Variants in ZSWIM6 observed in about 807,000 individuals in gnomAD.
ZSWIM6 encodes zinc finger SWIM-type containing 6.
In ZSWIM6, 9 loss-of-function variants were observed where a neutral mutation model predicts 113.2. That is an observed-to-expected ratio of 0.08 (90% CI 0.05 to 0.14). The LOEUF (loss-of-function observed/expected upper bound fraction) is 0.14. ZSWIM6 is among the 10% of genes least tolerant of loss of function. The pLI, the probability that ZSWIM6 is intolerant of heterozygous loss-of-function variation, is 1.00. For synonymous variants in ZSWIM6, 611 were observed against 606.5 expected, an observed-to-expected ratio of 1.01 and a Z score of -0.11; for missense variants, 1,162 against 1,552.2, an observed-to-expected ratio of 0.75 and a Z score of 4.22.
Position 61,334,016 on chromosome 5 carries a change from T to G in ZSWIM6, c.676+1068T>G, listed in dbSNP as rs1579935449. ...CTTTGTTCTCATTTTCAGGTTTTTT[T>G]GTGCCCCTTTCAGTTTTCTGTCACC... is the stretch of plus-strand genomic sequence containing the variant. On this transcript the variant is annotated intron_variant, in intron 1 of 13. Transcript: ENST00000252744. Among the ~76,000 whole-genome samples the G allele has an allele frequency of 2.0e-5, 3 of 152,346 alleles. No individual in the cohort carries two copies. In the South Asian group the frequency reaches 6.2e-4, roughly 32 times the overall value.
chr5:61,470,906 C>A (rs1747554190), intron 1 of ZSWIM6, among the ~76,000 whole-genome samples: 1 of 152,170 alleles, frequency 6.6e-6, no homozygotes, highest in Admixed American at 6.5e-5. Flanking sequence ...AGTAGCATTT[C>A]TTTCAACTGT....
At chr5:61,466,191 T>A (rs542504047) in intron 1 of ZSWIM6, among the ~76,000 whole-genome samples, 2 of 152,310 alleles carry the variant, frequency 1.3e-5, no homozygotes, top group African/African-American at 4.8e-5. Context: ...GTTCTCAGAG[T>A]TGGGAAAGGT....
At chr5:61,541,836 T>C (rs1330602940) in intron 12 of ZSWIM6, 48 bp from the exon 13 acceptor site, 7 of 1,452,118 alleles carry the variant, frequency 4.8e-6, no homozygotes, top group African/African-American at 1.4e-5. Flanking sequence ...TTTTTTTTCA[T>C]TGACTCAGGA....
intron 2 of ZSWIM6, among the ~76,000 whole-genome samples, chr5:61,485,171 G>A (rs1377063903): frequency 2.0e-5 from 3 of 152,068 alleles, no homozygotes; most frequent in African/African-American, 7.2e-5. Context: ...TACAATTCTT[G>A]CTCTCATGGA....
At chr5:61,492,968 T>C (rs1425040970) in intron 3 of ZSWIM6, among the ~76,000 whole-genome samples, 1 of 152,146 alleles carries the variant, frequency 6.6e-6, no homozygotes, top group East Asian at 1.9e-4. Flanking sequence ...ACGGGGAAAT[T>C]ACAGCTGAGA....
chr5:61,349,887 CCT>C (rs1275456459), intron 1 of ZSWIM6, among the ~76,000 whole-genome samples: 2 of 151,970 alleles, frequency 1.3e-5, no homozygotes, highest in Non-Finnish European at 2.9e-5. Context: ...GAAAACTCTC[CCT>C]CTCACAGATG....
intron 5 of ZSWIM6, 54 bp from the exon 6 acceptor site, chr5:61,525,746 T>A (rs1415522053): frequency 6.5e-7 from 1 of 1,541,386 alleles, no homozygotes; most frequent in Non-Finnish European, 8.8e-7. Flanking sequence ...TATGACTGAT[T>A]TATTCACATG....
chr5:61,375,826 G>C (rs539756473), intron 1 of ZSWIM6: 1 of 1,130,662 alleles, frequency 8.8e-7, no homozygotes, highest in East Asian at 2.6e-5. Context: ...GAAAAAGAAG[G>C]CTGCTAGTTC....
intron 2 of ZSWIM6, among the ~76,000 whole-genome samples, chr5:61,483,361 C>T (rs1014779205): frequency 1.3e-5 from 2 of 152,126 alleles, no homozygotes; most frequent in African/African-American, 4.8e-5. Context: ...TTAAAAGGCC[C>T]CACCTTTCAA....
intron 4 of ZSWIM6, among the ~76,000 whole-genome samples, chr5:61,512,291 T>C (rs1748810329): frequency 6.6e-6 from 1 of 152,128 alleles, no homozygotes; most frequent in Non-Finnish European, 1.5e-5. Flanking sequence ...TGTACATCAG[T>C]GGGTTTTTGT....
At chr5:61,395,224 C>A (rs1401830881) in intron 1 of ZSWIM6, among the ~76,000 whole-genome samples, 1 of 152,074 alleles carries the variant, frequency 6.6e-6, no homozygotes, top group African/African-American at 2.4e-5. Flanking sequence ...GATTGTGTAA[C>A]TTCTCAGTGC....
At chr5:61,434,499 T>C (rs889940541) in intron 1 of ZSWIM6, among the ~76,000 whole-genome samples, 14 of 151,412 alleles carry the variant, frequency 9.2e-5, no homozygotes, top group African/African-American at 3.4e-4. Context: ...TCTTATGCCT[T>C]CGCATCCTAT....
At chr5:61,479,245 T>C (rs1747794795) in intron 2 of ZSWIM6, among the ~76,000 whole-genome samples, 1 of 152,066 alleles carries the variant, frequency 6.6e-6, no homozygotes, top group South Asian at 2.1e-4. Context: ...TTTTTTTTCT[T>C]AATATGAAAA....
intron 11 of ZSWIM6, 132 bp downstream of exon 11, chr5:61,539,103 A>T: frequency 1.9e-6 from 2 of 1,074,362 alleles, no homozygotes; most frequent in Non-Finnish European, 2.5e-6. Flanking sequence ...TTTTCTTTAG[A>T]TGTTAGCTTT....
chr5:61,400,472 A>G (rs1745922950), intron 1 of ZSWIM6, among the ~76,000 whole-genome samples: 1 of 152,136 alleles, frequency 6.6e-6, no homozygotes, highest in Admixed American at 6.5e-5. Flanking sequence ...AGGTTTAAAA[A>G]CTGTAATTTG....
At chr5:61,413,474 A>G (rs1475195755) in intron 1 of ZSWIM6, among the ~76,000 whole-genome samples, 1 of 152,122 alleles carries the variant, frequency 6.6e-6, no homozygotes, top group Non-Finnish European at 1.5e-5. Context: ...ATAGTGCTGC[A>G]GTAAACATAT....
chr5:61,364,640 G>T (rs1745113729), intron 1 of ZSWIM6, among the ~76,000 whole-genome samples: 1 of 152,148 alleles, frequency 6.6e-6, no homozygotes, highest in Non-Finnish European at 1.5e-5. Flanking sequence ...AGTTCTGGAG[G>T]CTGGGAAACC....
intron 4 of ZSWIM6, among the ~76,000 whole-genome samples, chr5:61,510,768 G>C (rs950022723): frequency 6.6e-6 from 1 of 152,104 alleles, no homozygotes; most frequent in African/African-American, 2.4e-5. Flanking sequence ...TGCTTTTATT[G>C]TAATTCATAG....
At position 61,332,743 on chromosome 5, in the gene ZSWIM6, T is replaced by TA; in HGVS notation, c.471_472insA (p.Ser158IlefsTer96). The TA allele has an allele frequency of 1.1e-6, 1 of 901,804 alleles. No individual in the cohort carries two copies. Among genetic ancestry groups the TA allele is most frequent in the Non-Finnish European group, 1.3e-6 (1 of 770,492 alleles). 55.9% of individuals were successfully genotyped at this position (901,804 alleles called of 1,614,324 possible). On this transcript the variant is annotated frameshift_variant, in exon 1 of 14. Transcript: ENST00000252744. LOFTEE classifies it high-confidence loss of function. ...GCGGCGGCGGCGGCGGCTCCTCGTC[T>TA]TCCCCGGCCGCAACCTCGGCGGCCG...
Sources: allele counts gnomAD v4.1 joint callset (sites outside exome capture counted in the v4.1 genomes callset), GRCh38; gene constraint gnomAD v4.1.1; transcripts MANE v1.5; gene names NCBI Gene and HGNC (gene_info 2026-07-23, HGNC 2026-07-21).